TBC1D14: variants seen among roughly 807,000 people sequenced by gnomAD.
TBC1D14 encodes TBC1 domain family member 14.
A neutral mutation model predicts 79.0 loss-of-function variants in TBC1D14; 26 were observed. The observed-to-expected ratio is 0.33, with a 90% CI of 0.24 to 0.46. TBC1D14 has a LOEUF of 0.46. Ranked by LOEUF, TBC1D14 falls within the 20% of genes least tolerant of loss-of-function variation. The pLI is 1.00. For missense variants in TBC1D14, 769 were observed against 887.6 expected, an observed-to-expected ratio of 0.87 and a Z score of 1.70; for synonymous variants, 394 against 349.9, an observed-to-expected ratio of 1.13 and a Z score of -1.40.
intron 1 of TBC1D14, chr4:6,910,362 G>A (rs2108887443): frequency 6.6e-6 from 1 of 152,458 alleles, no homozygotes; most frequent in East Asian, 1.9e-4. Context: ...CCAGGCAGCG[G>A]ACCCTCCTCC....
rs567638556 is a variant in TBC1D14 at position 6,947,135 on chromosome 4, C to T, written c.723-20169C>T. On this transcript the variant is annotated intron_variant, in intron 2 of 13. Transcript: ENST00000409757. ...CAGCACTTTGGGAGGCCGAGGCGGG[C>T]GGATCACTTGAGTTCAGGAGTTCAA... is the stretch of plus-strand genomic sequence containing the variant. Among the ~76,000 whole-genome samples the T allele has an allele frequency of 2.0e-4, 30 of 152,038 alleles. No homozygotes were observed. The East Asian group carries it at 3.9e-3, about 20-fold the overall frequency.
intron 2 of TBC1D14, among the ~76,000 whole-genome samples, chr4:6,933,380 C>T (rs567334873): frequency 6.7e-6 from 1 of 148,994 alleles, no homozygotes; most frequent in African/African-American, 2.5e-5. Context: ...TCATAGCTCA[C>T]TGCAGACTTG....
chr4:6,984,883 G>C (rs926896396), intron 3 of TBC1D14, among the ~76,000 whole-genome samples: 1 of 152,152 alleles, frequency 6.6e-6, no homozygotes, highest in Non-Finnish European at 1.5e-5. Flanking sequence ...CCTTGGACTC[G>C]GCAGTGGTGT....
chr4:6,928,977 A>T (rs1450245768), intron 2 of TBC1D14, among the ~76,000 whole-genome samples: 1 of 152,188 alleles, frequency 6.6e-6, no homozygotes, highest in East Asian at 1.9e-4. Flanking sequence ...AGCTCTAGTG[A>T]CCTGAGATGG....
intron 2 of TBC1D14, among the ~76,000 whole-genome samples, chr4:6,959,581 A>G (rs931599442): frequency 6.6e-6 from 1 of 152,152 alleles, no homozygotes; most frequent in Non-Finnish European, 1.5e-5. Flanking sequence ...CTGCTGAGTG[A>G]GTGGGAACAA....
At chr4:6,918,254 T>C (rs1723563654) in intron 1 of TBC1D14, among the ~76,000 whole-genome samples, 1 of 152,246 alleles carries the variant, frequency 6.6e-6, no homozygotes, top group South Asian at 2.1e-4. Flanking sequence ...TGAAATCCTA[T>C]AGTTTCACCA....
intron 1 of TBC1D14, among the ~76,000 whole-genome samples, chr4:6,916,923 A>T (rs1723447479): frequency 6.6e-6 from 1 of 152,146 alleles, no homozygotes; most frequent in African/African-American, 2.4e-5. Context: ...CTGCAGGGAG[A>T]TGCTGTCACT....
chr4:6,954,089 C>T (rs939119396), intron 2 of TBC1D14: 3 of 583,710 alleles, frequency 5.1e-6, no homozygotes, highest in East Asian at 2.8e-5. Context: ...ACTCCTCCCT[C>T]CCTGTGACTG....
At chr4:6,974,117 A>G (rs547254539) in intron 3 of TBC1D14, among the ~76,000 whole-genome samples, 2 of 151,974 alleles carry the variant, frequency 1.3e-5, no homozygotes, top group African/African-American at 2.4e-5. Context: ...AGCCGCTGGG[A>G]TTACAGACAT....
chr4:7,007,515 T>C (rs552097728), intron 9 of TBC1D14: 2 of 1,288,668 alleles, frequency 1.6e-6, no homozygotes, highest in South Asian at 2.5e-5. Flanking sequence ...TCTCACTGCC[T>C]TTACTCAGGT....
intron 3 of TBC1D14, among the ~76,000 whole-genome samples, chr4:6,976,749 C>T (rs1408674216): frequency 1.3e-5 from 2 of 152,160 alleles, no homozygotes; most frequent in Non-Finnish European, 2.9e-5. Context: ...TGGATAAATA[C>T]AGTAGACTAT....
rs1237472548 is a variant in TBC1D14, at chr4:7,025,136, G to A, written c.1890G>A (p.Leu630=). ...TCCTGAAGCTGTTCGAGGACATCCT[G>A]ACCAAGATGGACTTCATTCACATGG... ...LGILKLFEDI[L]TKMDFIHMAQ... is the part of the protein sequence containing the mutation. The change falls in exon 13 of 14, where the codon CTG becomes CTA. Residue 630 remains leucine (L), a synonymous_variant. Transcript: ENST00000409757. The A allele has an allele frequency of 6.2e-7, 1 of 1,614,102 alleles. No homozygotes were observed. The highest frequency in any genetic ancestry group is 1.3e-5 in the African/African-American group (1 of 74,928).
chr4:6,987,350 G>T, intron 3 of TBC1D14: 2 of 1,424,710 alleles, frequency 1.4e-6, no homozygotes, highest in Non-Finnish European at 9.2e-7. Context: ...GGCGTTCATG[G>T]TGAGTCGGGG....
chr4:6,911,938 T>A lies in TBC1D14; in HGVS notation c.-18+1987T>A, dbSNP rs545603286. Among the ~76,000 whole-genome samples, 6 of 152,316 alleles carry A rather than the reference T, an allele frequency of 3.9e-5. No individual in the cohort carries two copies. The East Asian group carries it at 1.2e-3, about 29-fold the overall frequency. On this transcript the variant is annotated intron_variant, in intron 1 of 13. Coordinates refer to ENST00000409757, the MANE Select transcript of TBC1D14 (RefSeq NM_020773.3). ...ACAGGATTTTAGGAAAGTGAGTATG[T>A]GTTTGTTAACTTTAAAAAAATTTTT...
Position 6,994,519 on chromosome 4 carries a change from C to A in TBC1D14, c.962+217C>A, listed in dbSNP as rs150604331. Among the ~76,000 whole-genome samples the A allele has an allele frequency of 3.7e-4, 56 of 152,180 alleles. No individual in the cohort carries two copies. In the East Asian group the frequency reaches 0.01, roughly 28 times the overall value. ...CATAGAAGTTTTGACCAGGATTTTC[C>A]GTTCAGGTAATTTTTCTTTTTACTT... On this transcript the variant is annotated intron_variant, in intron 4 of 13. Transcript: ENST00000409757.
intron 3 of TBC1D14, among the ~76,000 whole-genome samples, chr4:6,978,467 G>T (rs1304915415): frequency 6.7e-6 from 1 of 150,336 alleles, no homozygotes; most frequent in African/African-American, 2.5e-5. Flanking sequence ...TCTGAAACAT[G>T]TGCTGTGTCC....
chr4:6,959,044 C>T (rs951768800), intron 2 of TBC1D14, among the ~76,000 whole-genome samples: 5 of 152,252 alleles, frequency 3.3e-5, no homozygotes, highest in East Asian at 1.9e-4. Context: ...CCACTACGCC[C>T]GGCTAATATT....
chr4:7,019,788 T>G (rs1721641199), intron 12 of TBC1D14, among the ~76,000 whole-genome samples: 2 of 82,224 alleles, frequency 2.4e-5, no homozygotes, highest in Admixed American at 1.2e-4. Flanking sequence ...GGCACAGAGG[T>G]GGGTATGTGA....
At chr4:7,003,795 A>C (rs945265631) in intron 7 of TBC1D14, among the ~76,000 whole-genome samples, 3 of 151,512 alleles carry the variant, frequency 2.0e-5, no homozygotes, top group Non-Finnish European at 2.9e-5. Context: ...TGAGGTCAGG[A>C]GTTTGAGACC....
Sources: allele counts gnomAD v4.1 joint callset (sites outside exome capture counted in the v4.1 genomes callset), GRCh38; gene constraint gnomAD v4.1.1; transcripts MANE v1.5; gene names NCBI Gene and HGNC (gene_info 2026-07-23, HGNC 2026-07-21).